Variants in CAMKMT observed in about 807,000 individuals in gnomAD.
CAMKMT encodes CaM KMT.
A neutral mutation model predicts 48.0 loss-of-function variants in CAMKMT; 53 were observed. The observed-to-expected ratio is 1.10, with a 90% CI of 0.89 to 1.39. CAMKMT has a LOEUF of 1.39. Among genes scored for constraint, CAMKMT ranks in the 40% most tolerant of loss-of-function variants. CAMKMT has a pLI of 0.00. For missense variants in CAMKMT, 428 were observed against 402.7 expected (o/e 1.06, Z -0.54); for synonymous variants, 165 against 152.3 (o/e 1.08, Z -0.61).
intron 3 of CAMKMT, among the ~76,000 whole-genome samples, chr2:44,433,923 G>A (rs1684796909): frequency 3.3e-5 from 5 of 152,120 alleles, no homozygotes; most frequent in Admixed American, 3.3e-4. Context: ...GTGTGTCTGT[G>A]TGCCGTGGTT....
rs1326013828 is a variant in CAMKMT at position 44,457,985 on chromosome 2, C to A, written c.376+67680C>A. Among the ~76,000 whole-genome samples the A allele has an allele frequency of 2.7e-5, 4 of 149,224 alleles. No individual in the cohort carries two copies. The South Asian group carries it at 8.4e-4, about 32-fold the overall frequency. On this transcript the variant is annotated intron_variant, in intron 3 of 10. Transcript: ENST00000378494. Reference sequence around the variant, plus strand: ...TAAAGAACATCCCCCATTTTGGAGTCAGATTAATCTGGGTTTGGAGACACA... The same window carrying A: ...TAAAGAACATCCCCCATTTTGGAGTAAGATTAATCTGGGTTTGGAGACACA...
chr2:44,370,001 T>G (rs1383969476), intron 1 of CAMKMT: 1 of 152,156 alleles, frequency 6.6e-6, no homozygotes, highest in Non-Finnish European at 1.5e-5. Context: ...CTCTATAAAA[T>G]AGAAAGGTAT....
Position 44,735,866 on chromosome 2 carries a change from T to G in CAMKMT, c.624-7756T>G, listed in dbSNP as rs1679328534. Among the ~76,000 whole-genome samples the G allele has an allele frequency of 2.0e-5, 3 of 152,082 alleles. No individual in the cohort carries two copies. In the South Asian group the frequency reaches 6.2e-4, roughly 32 times the overall value. On this transcript the variant is annotated intron_variant, in intron 7 of 10. Transcript: ENST00000378494. ...AGGCGGAGGCTGCAGTGAGCTGAGATCATGCTACTGTACTCGAGCCTGCTC... is the reference window on the plus strand; with the variant it reads ...AGGCGGAGGCTGCAGTGAGCTGAGAGCATGCTACTGTACTCGAGCCTGCTC...
At position 44,725,143 on chromosome 2, in the gene CAMKMT, C is replaced by CGTGTGTGTGTGTGTGTGTGTGTGT. The variant is rs4039394; in HGVS notation, c.623+9805_623+9828dup. Among the ~76,000 whole-genome samples, 22 of 140,642 alleles carry CGTGTGTGTGTGTGTGTGTGTGTGT rather than the reference C, an allele frequency of 1.6e-4. 1 individual carries two copies. Among genetic ancestry groups the CGTGTGTGTGTGTGTGTGTGTGTGT allele is most frequent in the Non-Finnish European group, 3.1e-4 (20 of 64,828 alleles). 92.3% of individuals were successfully genotyped at this position (140,642 alleles called of 152,430 possible). On this transcript the variant is annotated intron_variant, in intron 7 of 10. Transcript: ENST00000378494. ...TTACAGCATTGTCTTGCTTTCTGGACGTGTGTGTGTGTGTGTGTGTGTGTG... is the reference window on the plus strand; with the variant it reads ...TTACAGCATTGTCTTGCTTTCTGGACGTGTGTGTGTGTGTGTGTGTGTGTGTGTGTGTGTGTGTGTGTGTGTGTG...
chr2:44,664,211 A>G (rs1380852515), intron 3 of CAMKMT, among the ~76,000 whole-genome samples: 1 of 152,240 alleles, frequency 6.6e-6, no homozygotes, highest in Non-Finnish European at 1.5e-5. Context: ...TTGCCAAGTA[A>G]ACTTGGATAA....
At chr2:44,544,303 T>G (rs771938748) in intron 3 of CAMKMT, among the ~76,000 whole-genome samples, 55 of 152,178 alleles carry the variant, frequency 3.6e-4, no homozygotes, top group Middle Eastern at 3.2e-3. Context: ...AAATGCCTGT[T>G]TATACAAATC....
chr2:44,660,054 T>C (rs1230281455), intron 3 of CAMKMT, among the ~76,000 whole-genome samples: 1 of 152,214 alleles, frequency 6.6e-6, no homozygotes. Flanking sequence ...ACAAACTCAT[T>C]CAAAATAACA....
chr2:44,738,071 G>A (rs1432329727), intron 7 of CAMKMT, among the ~76,000 whole-genome samples: 1 of 151,958 alleles, frequency 6.6e-6, no homozygotes, highest in Non-Finnish European at 1.5e-5. Context: ...GGCTAGCCCA[G>A]TCTCAAACTC....
At chr2:44,417,385 ACT>A (rs1243237837) in intron 3 of CAMKMT, among the ~76,000 whole-genome samples, 1 of 151,960 alleles carries the variant, frequency 6.6e-6, no homozygotes, top group Non-Finnish European at 1.5e-5. Flanking sequence ...AAAGAGGAAG[ACT>A]CTGTCTCAAA....
At chr2:44,640,295 C>T (rs1225695475) in intron 3 of CAMKMT, among the ~76,000 whole-genome samples, 1 of 152,144 alleles carries the variant, frequency 6.6e-6, no homozygotes, top group African/African-American at 2.4e-5. Flanking sequence ...AAAGAAATAT[C>T]ACCTATGATT....
intron 3 of CAMKMT, among the ~76,000 whole-genome samples, chr2:44,409,454 A>G (rs1014862870): frequency 2.6e-5 from 4 of 152,096 alleles, no homozygotes; most frequent in Non-Finnish European, 4.4e-5. Flanking sequence ...GAAATTTCAC[A>G]TGAATCTTGG....
chr2:44,493,298 G>C (rs1669602470), intron 3 of CAMKMT, among the ~76,000 whole-genome samples: 1 of 152,078 alleles, frequency 6.6e-6, no homozygotes, highest in African/African-American at 2.4e-5. Context: ...CCTGTGCCAG[G>C]TACCTGAGGC....
chr2:44,524,864 C>T (rs2603254), intron 3 of CAMKMT, among the ~76,000 whole-genome samples: 16,329 of 151,836 alleles, frequency 0.11, 1,208 homozygotes, highest in African/African-American at 0.2. Context: ...CATTGAATGG[C>T]TTTTTTCTGC....
chr2:44,488,831 G>A (rs1009696739), intron 3 of CAMKMT, among the ~76,000 whole-genome samples: 1 of 146,788 alleles, frequency 6.8e-6, no homozygotes. Context: ...AATTAGAAAA[G>A]CCTTAGGGTA....
chr2:44,582,241 A>T (rs894599017), intron 3 of CAMKMT, among the ~76,000 whole-genome samples: 1 of 152,206 alleles, frequency 6.6e-6, no homozygotes, highest in Non-Finnish European at 1.5e-5. Context: ...TCACAAATAC[A>T]TATATGTGAA....
intron 3 of CAMKMT, among the ~76,000 whole-genome samples, chr2:44,637,069 T>C (rs1558761995): frequency 6.6e-6 from 1 of 152,222 alleles, no homozygotes; most frequent in Non-Finnish European, 1.5e-5. Flanking sequence ...CATACTGCTG[T>C]TGAAAACTGT....
At chr2:44,477,922 A>G (rs962013078) in intron 3 of CAMKMT, among the ~76,000 whole-genome samples, 2 of 152,210 alleles carry the variant, frequency 1.3e-5, no homozygotes, top group Non-Finnish European at 2.9e-5. Context: ...AAAGGGACGG[A>G]TGGTACTTCC....
At chr2:44,635,201 T>C (rs1166780831) in intron 3 of CAMKMT, among the ~76,000 whole-genome samples, 1 of 152,210 alleles carries the variant, frequency 6.6e-6, no homozygotes, top group African/African-American at 2.4e-5. Context: ...TTAGTGTGAA[T>C]GGAGCATAAG....
At chr2:44,549,794 A>G in intron 3 of CAMKMT, 1 of 425,344 alleles carries the variant, frequency 2.4e-6, no homozygotes, top group Non-Finnish European at 4.1e-6. Context: ...ACATCCTAGA[A>G]CAAAGACATA....
Sources: gnomAD v4.1 joint callset for allele counts (sites outside exome capture counted in the v4.1 genomes callset) on GRCh38, gnomAD v4.1.1 for gene constraint, MANE v1.5 for transcripts, NCBI Gene and HGNC (gene_info 2026-07-23, HGNC 2026-07-21) for gene names.